ZRANB3: variants seen among roughly 807,000 people sequenced by gnomAD.
ZRANB3 encodes the protein DNA annealing helicase and endonuclease ZRANB3.
Under a neutral mutation model 133.8 loss-of-function variants are expected in ZRANB3, and 125 were observed. That is an observed-to-expected ratio of 0.93 (90% CI 0.81 to 1.08). ZRANB3 has a LOEUF of 1.08. Ranked by LOEUF, ZRANB3 falls within the 50% of genes least tolerant of loss-of-function variation. The pLI is 0.00. For synonymous variants in ZRANB3, 387 were observed against 432.7 expected (o/e 0.89, Z 1.31); for missense variants, 1,229 against 1,275.5 (o/e 0.96, Z 0.56).
chr2:135,287,142 G>T (rs1350224588), intron 8 of ZRANB3, among the ~76,000 whole-genome samples: 3 of 152,172 alleles, frequency 2.0e-5, no homozygotes, highest in African/African-American at 7.2e-5. Flanking sequence ...CATGTGGCTT[G>T]CCAATTATCC....
At chr2:135,404,785 G>A (rs1210568787) in intron 2 of ZRANB3, among the ~76,000 whole-genome samples, 2 of 152,160 alleles carry the variant, frequency 1.3e-5, no homozygotes, top group African/African-American at 2.4e-5. Context: ...AGAAGAGAGT[G>A]GGGGCCAATA....
At chr2:135,330,037 A>T (rs1684059572) in intron 6 of ZRANB3, among the ~76,000 whole-genome samples, 1 of 152,078 alleles carries the variant, frequency 6.6e-6, no homozygotes. Flanking sequence ...CTAACTGAAT[A>T]CCCTTTATTT....
chr2:135,362,310 ATCT>A (rs1304521403), intron 3 of ZRANB3, among the ~76,000 whole-genome samples: 6 of 152,058 alleles, frequency 3.9e-5, no homozygotes, highest in East Asian at 1.9e-4. Context: ...CATAGCCCTG[ATCT>A]TCTTCTTACT....
intron 12 of ZRANB3, among the ~76,000 whole-genome samples, chr2:135,247,310 A>G (rs1297716394): frequency 4.6e-5 from 7 of 152,150 alleles, no homozygotes; most frequent in African/African-American, 1.4e-4. Flanking sequence ...GGTTTTAATC[A>G]TCTAACTGAA....
Position 135,198,294 on chromosome 2 carries a change from C to T in ZRANB3, c.*2048G>A, listed in dbSNP as rs1340207706. ...TCTCGGTTATTAGATCAATCTCTAT[C>T]TTTATTTTCTGTCTCAGAACCCTTC... On this transcript the variant is annotated 3_prime_UTR_variant, in exon 21 of 21. Coordinates refer to ENST00000264159, the MANE Select transcript of ZRANB3 (RefSeq NM_032143.4). 6.6e-6 allele frequency: 1 copy of T among 152,190 alleles called. No homozygotes were observed. Among genetic ancestry groups the T allele is most frequent in the African/African-American group, 2.4e-5 (1 of 41,444 alleles). The allele number at this position is 152,190 out of a possible 1,614,324, so 9.4% of individuals were successfully genotyped here.
chr2:135,243,929 T>G (rs1037675274), intron 12 of ZRANB3, among the ~76,000 whole-genome samples: 1 of 151,962 alleles, frequency 6.6e-6, no homozygotes, highest in Non-Finnish European at 1.5e-5. Context: ...CTTAAATTTT[T>G]TTTTTTTTAA....
chr2:135,434,006 A>C (rs1206684992), intron 2 of ZRANB3, among the ~76,000 whole-genome samples: 3 of 152,022 alleles, frequency 2.0e-5, no homozygotes, highest in African/African-American at 7.2e-5. Context: ...AAAACAAAAC[A>C]AAAAAATTAG....
chr2:135,450,729 C>T (rs1177918533), intron 2 of ZRANB3, among the ~76,000 whole-genome samples: 2 of 152,164 alleles, frequency 1.3e-5, no homozygotes, highest in Non-Finnish European at 2.9e-5. Context: ...AATCAAAAGA[C>T]GTTAGCCTAT....
intron 2 of ZRANB3, among the ~76,000 whole-genome samples, chr2:135,457,639 T>C (rs1014696000): frequency 6.6e-6 from 1 of 152,128 alleles, no homozygotes; most frequent in African/African-American, 2.4e-5. Flanking sequence ...ATAAGTTGTT[T>C]ATATATCCTT....
chr2:135,297,971 G>A (rs1682228646), intron 8 of ZRANB3, among the ~76,000 whole-genome samples: 1 of 152,172 alleles, frequency 6.6e-6, no homozygotes, highest in South Asian at 2.1e-4. Flanking sequence ...GCTCACGCCT[G>A]TAATCCCAGC....
In ZRANB3 at chr2:135,286,113, G is replaced by A. The variant is rs1026066959; in HGVS notation, c.967-10358C>T. Among the ~76,000 whole-genome samples the A allele has an allele frequency of 8.5e-5, 13 of 152,050 alleles. No homozygotes were observed. In the Middle Eastern group the frequency reaches 9.5e-3, roughly 111 times the overall value. On this transcript the variant is annotated intron_variant, in intron 8 of 20. Transcript: ENST00000264159. ...TTAGGTTTTTGGGGGAACAGGTGGT[G>A]TTTGGTTACATGGATATGTTCTTTA...
intron 2 of ZRANB3, among the ~76,000 whole-genome samples, chr2:135,443,608 A>C (rs1689889369): frequency 1.3e-5 from 2 of 152,320 alleles, no homozygotes; most frequent in South Asian, 2.1e-4. Context: ...AAAGAGAAAC[A>C]GATGCAGCAT....
intron 3 of ZRANB3, among the ~76,000 whole-genome samples, chr2:135,369,636 T>C (rs1455855998): frequency 2.6e-5 from 4 of 152,154 alleles, no homozygotes; most frequent in East Asian, 1.9e-4. Flanking sequence ...AAACTCAACA[T>C]TTGTAAAGCC....
chr2:135,313,152 C>A (rs1374958732), intron 8 of ZRANB3, among the ~76,000 whole-genome samples: 2 of 151,544 alleles, frequency 1.3e-5, no homozygotes. Flanking sequence ...TTGGATACAG[C>A]ATTACTGTTT....
At chr2:135,395,308 T>C (rs980542688) in intron 2 of ZRANB3, among the ~76,000 whole-genome samples, 1 of 152,070 alleles carries the variant, frequency 6.6e-6, no homozygotes, top group Non-Finnish European at 1.5e-5. Context: ...TTCAGAAGAA[T>C]TAAACCATCT....
At chr2:135,205,937 CTG>C (rs1221688763) in intron 19 of ZRANB3, among the ~76,000 whole-genome samples, 14 of 152,246 alleles carry the variant, frequency 9.2e-5, no homozygotes, top group African/African-American at 3.4e-4. Context: ...TCTTGATATA[CTG>C]CACCACCTGT....
chr2:135,504,941 A>T (rs1693107060), intron 1 of ZRANB3, among the ~76,000 whole-genome samples: 1 of 152,074 alleles, frequency 6.6e-6, no homozygotes, highest in African/African-American at 2.4e-5. Flanking sequence ...AGCTACATTT[A>T]AAAAAATTAT....
At chr2:135,339,352 A>C (rs1684522231) in intron 6 of ZRANB3, among the ~76,000 whole-genome samples, 1 of 152,116 alleles carries the variant, frequency 6.6e-6, no homozygotes, top group Non-Finnish European at 1.5e-5. Flanking sequence ...CAGAGGTTGC[A>C]GTGAGCGTGC....
At chr2:135,530,912 G>T (rs1694554554) in intron 1 of ZRANB3, among the ~76,000 whole-genome samples, 1 of 152,164 alleles carries the variant, frequency 6.6e-6, no homozygotes, top group African/African-American at 2.4e-5. Context: ...GTTGGGAATC[G>T]TAGTCCGCTC....
Sources: allele counts gnomAD v4.1 joint callset (sites outside exome capture counted in the v4.1 genomes callset), GRCh38; gene constraint gnomAD v4.1.1; transcripts MANE v1.5; gene names NCBI Gene and HGNC (gene_info 2026-07-23, HGNC 2026-07-21).